Variants in GALNT14 observed in about 807,000 individuals in gnomAD.
The protein encoded by GALNT14 is UDP-GalNAc:polypeptide N-acetylgalactosaminyltransferase 14.
GALNT14 carries 60 observed loss-of-function variants against 77.5 expected under a neutral mutation model. The ratio of observed to expected loss-of-function variants is 0.77; its 90% confidence interval spans 0.63 to 0.96. GALNT14 has a LOEUF of 0.96. Among genes scored for constraint, GALNT14 ranks in the 40% least tolerant of loss-of-function variants. The pLI, the probability that GALNT14 is intolerant of heterozygous loss-of-function variation, is 0.00. For synonymous variants in GALNT14, 280 were observed against 281.7 expected (o/e 0.99, Z 0.06); for missense variants, 710 against 731.0 (o/e 0.97, Z 0.33).
chr2:30,905,375 T>G, the GALNT14 span, among the ~76,000 whole-genome samples: 802 of 151,264 alleles, frequency 5.3e-3, 7 homozygotes, highest in African/African-American at 0.019. Context: ...AAGGAGCTGA[T>G]GGAGCTGAAA....
chr2:30,921,838 G>A (rs1665051213), intron 13 of GALNT14, among the ~76,000 whole-genome samples: 1 of 152,198 alleles, frequency 6.6e-6, no homozygotes, highest in African/African-American at 2.4e-5. Flanking sequence ...TGTGTGGTGG[G>A]GAGGTGCTGC....
chr2:30,955,770 G>T (rs1312430224), intron 5 of GALNT14, 31 bp from the exon 6 acceptor site: 1 of 1,613,108 alleles, frequency 6.2e-7, no homozygotes, highest in South Asian at 1.1e-5. Flanking sequence ...CGAAGTGGGT[G>T]CCACTGTCAC....
chr2:30,987,959 C>A (rs936547918), intron 2 of GALNT14, among the ~76,000 whole-genome samples: 1 of 152,162 alleles, frequency 6.6e-6, no homozygotes, highest in Non-Finnish European at 1.5e-5. Flanking sequence ...GGTTTCTTCA[C>A]CCTTCTTTTT....
chr2:30,978,025 C>T (rs1668743463), intron 2 of GALNT14, among the ~76,000 whole-genome samples: 1 of 152,186 alleles, frequency 6.6e-6, no homozygotes, highest in South Asian at 2.1e-4. Context: ...GACCCTCTCC[C>T]GACCTTCAGA....
At chr2:30,968,515 C>G (rs1668145625) in intron 2 of GALNT14, among the ~76,000 whole-genome samples, 1 of 152,236 alleles carries the variant, frequency 6.6e-6, no homozygotes, top group Admixed American at 6.5e-5. Context: ...GCAGCCCTGT[C>G]TACGGAGAGA....
At position 30,932,151 on chromosome 2, in the gene GALNT14, G is replaced by C. The variant is rs148988791; in HGVS notation, c.975C>G (p.Ile325Met). ...RVWMCGGSLE[I>M]VPCSRVGHVF... The stretch of plus-strand genomic sequence containing the variant: ...CGTGCCCCACTCGGCTGCAGGGGAC[G>C]ATCTCTAGGCTGCCCCCGCACATCC... The change falls in exon 10 of 15, where the codon ATC (isoleucine) becomes ATG (methionine). Residue 325 changes from isoleucine to methionine, a missense_variant. Physicochemically the swap from Ile to Met is conservative, Grantham distance 10. Transcript: ENST00000349752. The C allele has an allele frequency of 1.3e-5, 21 of 1,567,226 alleles. No individual in the cohort carries two copies. Among genetic ancestry groups the C allele is most frequent in the Admixed American group, 1.9e-5 (1 of 53,516 alleles).
chr2:31,062,200 C>T (rs1674642512), intron 1 of GALNT14, among the ~76,000 whole-genome samples: 3 of 152,146 alleles, frequency 2.0e-5, no homozygotes, highest in Admixed American at 6.5e-5. Flanking sequence ...TGTCCTAATG[C>T]TCTCCCTCCC....
chr2:31,105,954 T>G (rs1325332225), intron 1 of GALNT14, among the ~76,000 whole-genome samples: 3 of 152,188 alleles, frequency 2.0e-5, no homozygotes, highest in Non-Finnish European at 4.4e-5. Context: ...GTTCCTATTA[T>G]CCTCTTTATA....
At chr2:31,100,379 T>A (rs1017027989) in intron 1 of GALNT14, among the ~76,000 whole-genome samples, 1 of 152,134 alleles carries the variant, frequency 6.6e-6, no homozygotes, top group Admixed American at 6.6e-5. Context: ...TGTTTGTATA[T>A]GTGAAAAGTA....
Position 30,958,454 on chromosome 2 carries a change from G to T in GALNT14, c.409C>A (p.Arg137Ser), listed in dbSNP as rs747341898. Reference sequence around the variant, plus strand: ...TCCCGGATCAGATGCGTAGGGGTGCGGTTTAATACACTGCAAGATGGAAAC... The same window carrying T: ...TCCCGGATCAGATGCGTAGGGGTGCTGTTTAATACACTGCAAGATGGAAAC... Reference protein sequence around the residue: ...LLRTIRSVLNRTPTHLIREII... With the variant: ...LLRTIRSVLNSTPTHLIREII... Residue 137 changes from arginine to serine, a missense_variant, in exon 4 of 15, where the codon CGC (arginine) becomes AGC (serine). Arg to Ser is a moderately radical substitution (Grantham distance 110, BLOSUM62 -1). Coordinates refer to ENST00000349752, the MANE Select transcript of GALNT14 (RefSeq NM_024572.4). The T allele has an allele frequency of 1.2e-6, 2 of 1,613,688 alleles. No homozygotes were observed. The highest frequency in any genetic ancestry group is 1.7e-6 in the Non-Finnish European group (2 of 1,179,748).
intron 11 of GALNT14, among the ~76,000 whole-genome samples, chr2:30,929,112 C>G (rs1374515611): frequency 6.6e-6 from 1 of 152,200 alleles, no homozygotes; most frequent in African/African-American, 2.4e-5. Context: ...TCCTTCCTGT[C>G]TGCAAAAAGC....
At position 30,966,078 on chromosome 2, in the gene GALNT14, A is replaced by C. The variant is rs574578774; in HGVS notation, c.398+126T>G. The C allele has an allele frequency of 2.7e-5, 18 of 676,108 alleles. 1 individual carries two copies. Among genetic ancestry groups the C allele is most frequent in the South Asian group, 2.6e-4 (15 of 56,870 alleles). The allele number at this position is 676,108 out of a possible 1,614,324, so 41.9% of individuals were successfully genotyped here. A position where few individuals can be genotyped will look rare whatever the true frequency, so the allele number is the denominator to read the frequency against. On this transcript the variant is annotated intron_variant, in intron 3 of 14. Coordinates refer to ENST00000349752, the MANE Select transcript of GALNT14 (RefSeq NM_024572.4). The stretch of plus-strand genomic sequence containing the variant: ...TGAGTGGACACATGTGACATATAGA[A>C]TAGTGCCTGGCACGTAGTTAGATGT...
At chr2:31,090,756 A>G (rs1676690969) in intron 1 of GALNT14, among the ~76,000 whole-genome samples, 1 of 151,806 alleles carries the variant, frequency 6.6e-6, no homozygotes, top group African/African-American at 2.4e-5. Context: ...TGCTGGGATT[A>G]CAGGCATGAG....
chr2:31,018,157 G>A (rs576082500), intron 1 of GALNT14, among the ~76,000 whole-genome samples: 6 of 152,338 alleles, frequency 3.9e-5, no homozygotes, highest in South Asian at 2.1e-4. Context: ...ACAGAGGCTC[G>A]CAGATTTAAC....
chr2:30,989,205 T>C (rs1669505065), intron 2 of GALNT14, among the ~76,000 whole-genome samples: 1 of 152,120 alleles, frequency 6.6e-6, no homozygotes, highest in South Asian at 2.1e-4. Flanking sequence ...AAGCCTGGAT[T>C]GAGAAATGCT....
chr2:31,089,637 A>G (rs1379155318), intron 1 of GALNT14, among the ~76,000 whole-genome samples: 1 of 152,132 alleles, frequency 6.6e-6, no homozygotes, highest in East Asian at 1.9e-4. Flanking sequence ...ACATACTGAC[A>G]TCTTTCCTGA....
At chr2:30,963,876 CA>C (rs1237811904) in intron 3 of GALNT14, among the ~76,000 whole-genome samples, 1 of 152,170 alleles carries the variant, frequency 6.6e-6, no homozygotes, top group East Asian at 1.9e-4. Context: ...TAACCCTTAG[CA>C]ACCCTATGCA....
intron 1 of GALNT14, among the ~76,000 whole-genome samples, chr2:30,999,405 A>T (rs1260508558): frequency 6.6e-6 from 1 of 152,220 alleles, no homozygotes; most frequent in Non-Finnish European, 1.5e-5. Flanking sequence ...ATAGTCTTCA[A>T]ATATTTAGTG....
chr2:30,890,252 T>C, the GALNT14 span, among the ~76,000 whole-genome samples: 5 of 152,120 alleles, frequency 3.3e-5, no homozygotes, highest in African/African-American at 1.2e-4. Flanking sequence ...AGGAGACTGT[T>C]CCTCCCAGAG....
Sources: allele counts gnomAD v4.1 joint callset (sites outside exome capture counted in the v4.1 genomes callset), GRCh38; gene constraint gnomAD v4.1.1; transcripts MANE v1.5; gene names NCBI Gene and HGNC (gene_info 2026-07-23, HGNC 2026-07-21).